SLC22A3: variants seen among roughly 807,000 people sequenced by gnomAD.
SLC22A3 encodes EMT organic cation transporter 3.
Under a neutral mutation model 59.1 loss-of-function variants are expected in SLC22A3, and 51 were observed. The observed-to-expected ratio is 0.86, with a 90% CI of 0.69 to 1.09. The LOEUF (loss-of-function observed/expected upper bound fraction) is 1.09. Ranked by LOEUF, SLC22A3 falls within the 50% of genes least tolerant of loss-of-function variation. The pLI, the probability that SLC22A3 is intolerant of heterozygous loss-of-function variation, is 0.00. For missense variants in SLC22A3, 711 were observed against 726.3 expected (o/e 0.98, Z 0.24); for synonymous variants, 325 against 292.0 (o/e 1.11, Z -1.15).
chr6:160,438,597 T>TACACAC (rs10618183), intron 7 of SLC22A3, among the ~76,000 whole-genome samples: 2 of 149,764 alleles, frequency 1.3e-5, no homozygotes, highest in Non-Finnish European at 1.5e-5. Flanking sequence ...CACACACACA[T>TACACAC]ACACACACAC....
chr6:160,392,142 G>A (rs1394109897), intron 1 of SLC22A3, among the ~76,000 whole-genome samples: 2 of 152,142 alleles, frequency 1.3e-5, no homozygotes, highest in Non-Finnish European at 2.9e-5. Context: ...GTGGGATGGG[G>A]AGAAGCAGCT....
chr6:160,437,045 T>C lies in SLC22A3; in HGVS notation c.1122T>C (p.Ile374=), dbSNP rs767883303. ...VYQGLVMRLG[I]IGGNLYIDFF... The stretch of plus-strand genomic sequence containing the variant: ...AAGGACTTGTCATGCGCCTGGGAAT[T>C]ATAGGGGGCAACCTCTATATAGACT... Residue 374 remains isoleucine (I), a synonymous_variant, in exon 7 of 11, where the codon ATT becomes ATC. Transcript: ENST00000275300. 3.7e-6 allele frequency: 6 copies of C among 1,614,170 alleles called. No individual in the cohort carries two copies. Among genetic ancestry groups the C allele is most frequent in the Non-Finnish European group, 1.7e-6 (2 of 1,180,012 alleles).
At chr6:160,427,450 C>T (rs1788005571) in intron 5 of SLC22A3, among the ~76,000 whole-genome samples, 1 of 152,150 alleles carries the variant, frequency 6.6e-6, no homozygotes, top group East Asian at 1.9e-4. Flanking sequence ...GTGCCCAGGC[C>T]CCAGCAGGAG....
At chr6:160,407,963 C>A (rs771884536) in intron 3 of SLC22A3, among the ~76,000 whole-genome samples, 26 of 152,138 alleles carry the variant, frequency 1.7e-4, no homozygotes, top group Non-Finnish European at 3.5e-4. Context: ...TTGGAGACCC[C>A]TGAAGACCTT....
chr6:160,439,435 TTACTC>T (rs1181953231), intron 7 of SLC22A3, among the ~76,000 whole-genome samples: 7 of 152,082 alleles, frequency 4.6e-5, no homozygotes, highest in East Asian at 1.9e-4. Context: ...TATATATACT[TTACTC>T]TATAAGATTT....
intron 1 of SLC22A3, among the ~76,000 whole-genome samples, chr6:160,350,116 A>C (rs1784611643): frequency 6.6e-6 from 1 of 151,500 alleles, no homozygotes; most frequent in African/African-American, 2.4e-5. Flanking sequence ...ATGGCAGGAC[A>C]GCCAGGCGAT....
chr6:160,436,639 T>C (rs1788342045), intron 5 of SLC22A3, 141 bp from the exon 6 acceptor site: 2 of 649,860 alleles, frequency 3.1e-6, no homozygotes, highest in Non-Finnish European at 2.7e-6. Flanking sequence ...CAGAAGTGTT[T>C]TAATTGTCAG....
intron 8 of SLC22A3, 28 bp from the exon 9 acceptor site, chr6:160,443,602 T>C: frequency 2.1e-6 from 3 of 1,441,818 alleles, no homozygotes; most frequent in South Asian, 1.1e-5. Flanking sequence ...GAAATAGTTT[T>C]CACTTAAAAT....
rs1395720898 is a variant in SLC22A3, at chr6:160,447,718, G to A, written c.1511-1G>A. ...GGTAACACCTTTCCCCTATTCCATA[G>A]GTATCCTGGCATCCATCTGTGGTGG... On this transcript the variant is annotated splice_acceptor_variant, in intron 9 of 10. Coordinates refer to ENST00000275300, the MANE Select transcript of SLC22A3 (RefSeq NM_021977.4). LOFTEE classifies it high-confidence loss of function. 1 of 1,613,708 alleles carries A rather than the reference G, an allele frequency of 6.2e-7. No homozygotes were observed. The highest frequency in any genetic ancestry group is 1.1e-5 in the South Asian group (1 of 91,072).
intron 1 of SLC22A3, among the ~76,000 whole-genome samples, chr6:160,362,465 C>T (rs1166524949): frequency 6.6e-6 from 1 of 152,240 alleles, no homozygotes; most frequent in Non-Finnish European, 1.5e-5. Context: ...TGAAACCAAA[C>T]GCTTTCCTTT....
At chr6:160,377,227 G>A (rs1334338682) in intron 1 of SLC22A3, among the ~76,000 whole-genome samples, 1 of 152,216 alleles carries the variant, frequency 6.6e-6, no homozygotes, top group Non-Finnish European at 1.5e-5. Context: ...GCTCACACCT[G>A]TAATTCCAGC....
chr6:160,426,291 C>A, intron 5 of SLC22A3: 1 of 985,302 alleles, frequency 1.0e-6, no homozygotes, highest in Non-Finnish European at 1.2e-6. Context: ...GAGGAAATTC[C>A]GAGATGACAG....
rs111285982 is a variant in SLC22A3, at chr6:160,388,342, G to A, written c.430-9637G>A. Reference sequence around the variant, plus strand: ...ATACATTATGTTGTGGTTCTCAAACGTGAGTGTGCATCAGAATCCCCTGGA... The same window carrying A: ...ATACATTATGTTGTGGTTCTCAAACATGAGTGTGCATCAGAATCCCCTGGA... On this transcript the variant is annotated intron_variant, in intron 1 of 10. Transcript: ENST00000275300. 1.0e-2 allele frequency among the ~76,000 whole-genome samples: 1,518 copies of A among 152,274 alleles called. 36 individuals carry two copies. The highest frequency in any genetic ancestry group is 0.034 in the African/African-American group (1,396 of 41,544).
rs188210345 is a variant in SLC22A3 at position 160,399,912 on chromosome 6, G to T, written c.533+1830G>T. On this transcript the variant is annotated intron_variant, in intron 2 of 10. Transcript: ENST00000275300. ...CCCGCACCCCCAACCCCACTAAATA[G>T]AAAGACAGGAGAATACAGAGAATCA... Among the ~76,000 whole-genome samples the T allele has an allele frequency of 6.2e-3, 946 of 152,022 alleles. 11 individuals are homozygous for T. The highest frequency in any genetic ancestry group is 0.037 in the Middle Eastern group (11 of 294).
At chr6:160,437,951 A>G (rs1192614697) in intron 7 of SLC22A3, among the ~76,000 whole-genome samples, 1 of 152,156 alleles carries the variant, frequency 6.6e-6, no homozygotes, top group East Asian at 1.9e-4. Flanking sequence ...AGCCTGAGAG[A>G]TGATCTGTCA....
intron 1 of SLC22A3, among the ~76,000 whole-genome samples, chr6:160,393,615 G>T (rs1383576320): frequency 2.0e-5 from 3 of 152,124 alleles, no homozygotes; most frequent in African/African-American, 7.2e-5. Flanking sequence ...CAAAGAACAT[G>T]AACTCATCAT....
At chr6:160,387,978 C>T (rs1381053080) in intron 1 of SLC22A3, among the ~76,000 whole-genome samples, 2 of 152,184 alleles carry the variant, frequency 1.3e-5, no homozygotes, top group African/African-American at 4.8e-5. Flanking sequence ...CCCACAGCCA[C>T]AAGGACTGGG....
chr6:160,388,420 A>G (rs755604839), intron 1 of SLC22A3, among the ~76,000 whole-genome samples: 1 of 152,194 alleles, frequency 6.6e-6, no homozygotes, highest in Non-Finnish European at 1.5e-5. Flanking sequence ...ATTTTGACTC[A>G]GTGTGCCCGA....
At chr6:160,443,213 T>A (rs1788614262) in intron 8 of SLC22A3, among the ~76,000 whole-genome samples, 1 of 152,256 alleles carries the variant, frequency 6.6e-6, no homozygotes. Context: ...CTATGGCCTC[T>A]CTTTGACTGC....
Sources: gnomAD v4.1 joint callset for allele counts (sites outside exome capture counted in the v4.1 genomes callset) on GRCh38, gnomAD v4.1.1 for gene constraint, MANE v1.5 for transcripts, NCBI Gene and HGNC (gene_info 2026-07-23, HGNC 2026-07-21) for gene names.